Variants in SMG7 observed in about 807,000 individuals in gnomAD.
SMG7 encodes the protein nonsense-mediated mRNA decay factor SMG7.
Under a neutral mutation model 148.2 loss-of-function variants are expected in SMG7, and 34 were observed. That is an observed-to-expected ratio of 0.23 (90% confidence interval 0.17 to 0.31). The LOEUF is 0.31. Among genes scored for constraint, SMG7 ranks in the 10% least tolerant of loss-of-function variants. The probability of loss-of-function intolerance (pLI) is 1.00; values close to 1 mark genes in which losing one functional copy is unlikely to be tolerated. For missense variants in SMG7, 1,114 were observed against 1,408.4 expected, an observed-to-expected ratio of 0.79 and a Z score of 3.35; for synonymous variants, 492 against 515.1, an observed-to-expected ratio of 0.96 and a Z score of 0.61.
chr1:183,496,053 A>T lies in SMG7; in HGVS notation c.30-16784A>T, dbSNP rs1658411559. ...TTGAATTCCAGTCCTAGCACTTACC[A>T]TCTTTGTGGCATTGGGCAAGTTTCC... On this transcript the variant is annotated intron_variant, in intron 1 of 22. Transcript: ENST00000688051. Among the ~76,000 whole-genome samples the T allele has an allele frequency of 2.0e-5, 3 of 152,254 alleles. No homozygotes were observed. The South Asian group carries it at 6.2e-4, about 32-fold the overall frequency.
In SMG7 at chr1:183,551,902, G is replaced by T; in HGVS notation, c.3535G>T (p.Gly1179Ter). ...GCAGCAGAAGCAGAAACAGCAACGG[G>T]GACAAGGCACCATGAACCCTCCACA... is the stretch of plus-strand genomic sequence containing the variant. The part of the protein sequence containing the change: ...LMQQKQKQQR[G>*]QGTMNPPH Residue 1179 changes from glycine (G) to a stop codon, truncating the protein, a stop_gained, in exon 23 of 23, where the codon GGA (glycine) becomes TGA (stop). Coordinates refer to ENST00000688051, the MANE Select transcript of SMG7 (RefSeq NM_001375584.1). LOFTEE classifies it high-confidence loss of function. 1 of 1,613,702 alleles carries T rather than the reference G, an allele frequency of 6.2e-7. No individual in the cohort carries two copies. The highest frequency in any genetic ancestry group is 8.5e-7 in the Non-Finnish European group (1 of 1,179,792).
intron 1 of SMG7, among the ~76,000 whole-genome samples, chr1:183,496,612 G>GA (rs1358997194): frequency 6.6e-6 from 1 of 151,956 alleles, no homozygotes; most frequent in African/African-American, 2.4e-5. Context: ...CTCTTTTCTT[G>GA]AAGCTTTTTC....
chr1:183,543,458 G>GGA (rs1033743586), intron 14 of SMG7, among the ~76,000 whole-genome samples: 1 of 151,696 alleles, frequency 6.6e-6, no homozygotes. Context: ...AAGACATAGG[G>GGA]GAGAGAGAGA....
intron 8 of SMG7, among the ~76,000 whole-genome samples, chr1:183,530,309 T>C (rs1251029760): frequency 6.6e-6 from 1 of 152,116 alleles, no homozygotes; most frequent in Non-Finnish European, 1.5e-5. Context: ...AGTCAGGCAT[T>C]TTAAGAGATT....
chr1:183,519,291 G>A (rs1664235217), intron 4 of SMG7, among the ~76,000 whole-genome samples: 1 of 151,920 alleles, frequency 6.6e-6, no homozygotes, highest in Non-Finnish European at 1.5e-5. Flanking sequence ...GTTCATTTTT[G>A]AAAGAACTCA....
At chr1:183,539,122 A>T (rs966132037) in intron 12 of SMG7, among the ~76,000 whole-genome samples, 3 of 152,134 alleles carry the variant, frequency 2.0e-5, no homozygotes, top group Non-Finnish European at 2.9e-5. Context: ...ACTGCACTCC[A>T]GCCTGGGTGA....
chr1:183,536,667 T>C (rs143993443), intron 10 of SMG7, among the ~76,000 whole-genome samples: 38 of 152,272 alleles, frequency 2.5e-4, no homozygotes, highest in African/African-American at 8.4e-4. Flanking sequence ...ATGTGGACTT[T>C]TTGTACCATA....
intron 10 of SMG7, among the ~76,000 whole-genome samples, chr1:183,534,436 A>G (rs1177600108): frequency 6.6e-6 from 1 of 152,224 alleles, no homozygotes; most frequent in Non-Finnish European, 1.5e-5. Context: ...CTTGGCACCA[A>G]ATAGGAAGTT....
At chr1:183,512,899 A>T (rs747888716) in intron 2 of SMG7, 31 bp downstream of exon 2, 1 of 1,546,364 alleles carries the variant, frequency 6.5e-7, no homozygotes. Context: ...TTTTCACAAC[A>T]TATTTTATAT....
At chr1:183,474,272 A>G (rs1294398015) in intron 1 of SMG7, among the ~76,000 whole-genome samples, 1 of 152,234 alleles carries the variant, frequency 6.6e-6, no homozygotes. Flanking sequence ...CATGAAAGAT[A>G]CCAAACGTTG....
In SMG7 at chr1:183,546,067, C is replaced by A; in HGVS notation, c.2472C>A (p.Thr824=). The part of the protein sequence containing the change: ...MPVKQPYYLQ[T]QDPIKLFEPS... ...TGAAACAGCCCTACTACCTTCAGAC[C>A]CAAGACCCCATAAAACTGTTTGAGC... is the stretch of plus-strand genomic sequence containing the variant. The change falls in exon 17 of 23, where the codon ACC becomes ACA. Residue 824 remains threonine (T), a synonymous_variant. Transcript: ENST00000688051. 6.2e-7 allele frequency: 1 copy of A among 1,613,980 alleles called. No homozygotes were observed. The highest frequency in any genetic ancestry group is 8.5e-7 in the Non-Finnish European group (1 of 1,179,948).
At chr1:183,526,512 A>G in intron 4 of SMG7, 84 bp from the exon 5 acceptor site, 1 of 837,194 alleles carries the variant, frequency 1.2e-6, no homozygotes, top group Non-Finnish European at 1.9e-6. Context: ...AGTATGTGGT[A>G]CTAGGTACAC....
At position 183,529,588 on chromosome 1, in the gene SMG7, T is replaced by C. The variant is rs1433237030; in HGVS notation, c.843+55T>C. On this transcript the variant is annotated intron_variant, in intron 8 of 22. Transcript: ENST00000688051. ...CTTGTCTAAATCAGGAAGCATAACATTTGGAGGAAACTGACTCCCAGTTTT... is the reference window on the plus strand; with the variant it reads ...CTTGTCTAAATCAGGAAGCATAACACTTGGAGGAAACTGACTCCCAGTTTT... 6 of 1,487,240 alleles carry C rather than the reference T, an allele frequency of 4.0e-6. No homozygotes were observed. In the African/African-American group the frequency reaches 8.4e-5, roughly 21 times the overall value. 92.1% of individuals were successfully genotyped at this position (1,487,240 alleles called of 1,614,324 possible). A position where few individuals can be genotyped will look rare whatever the true frequency, so the allele number is the denominator to read the frequency against.
At chr1:183,499,510 T>G (rs1659284222) in intron 1 of SMG7, among the ~76,000 whole-genome samples, 1 of 152,222 alleles carries the variant, frequency 6.6e-6, no homozygotes, top group Non-Finnish European at 1.5e-5. Context: ...TGGAGCATCT[T>G]TTCACATGCT....
At chr1:183,536,842 A>G (rs1279084291) in intron 10 of SMG7, among the ~76,000 whole-genome samples, 1 of 152,164 alleles carries the variant, frequency 6.6e-6, no homozygotes, top group East Asian at 1.9e-4. Flanking sequence ...TTCTCAGCCT[A>G]TTTCAGTTTT....
At chr1:183,492,116 A>T (rs1657197649) in intron 1 of SMG7, among the ~76,000 whole-genome samples, 1 of 152,252 alleles carries the variant, frequency 6.6e-6, no homozygotes, top group Non-Finnish European at 1.5e-5. Flanking sequence ...CCGTCATACC[A>T]TACCAGGCAG....
In SMG7 at chr1:183,550,633, C is replaced by T; in HGVS notation, c.3134-118C>T. 3 of 998,304 alleles carry T rather than the reference C, an allele frequency of 3.0e-6. No individual in the cohort carries two copies. In the East Asian group the frequency reaches 7.5e-5, roughly 25 times the overall value. The allele number at this position is 998,304 out of a possible 1,614,324, so 61.8% of individuals were successfully genotyped here. On this transcript the variant is annotated intron_variant, in intron 20 of 22. Transcript: ENST00000688051. The stretch of plus-strand genomic sequence containing the variant: ...TGGAGCCTTTAGTTTCCCTTTCCTT[C>T]AAAGCCCTGTGGTTATTGTTAGTAG...
chr1:183,486,955 A>T lies in SMG7; in HGVS notation c.29+14306A>T, dbSNP rs764987226. ...TAAAGAAATGCTGATAACACTGTAG[A>T]TGTAAGAATTGAAGAATACAGGAGT... On this transcript the variant is annotated intron_variant, in intron 1 of 22. Transcript: ENST00000688051. Among the ~76,000 whole-genome samples, 22 of 152,306 alleles carry T rather than the reference A, an allele frequency of 1.4e-4. No homozygotes were observed. In the Middle Eastern group the frequency reaches 0.01, roughly 71 times the overall value.
Position 183,544,465 on chromosome 1 carries a change from C to G in SMG7, c.1955C>G (p.Pro652Arg). The change falls in exon 15 of 23, where the codon CCT (proline) becomes CGT (arginine). Residue 652 changes from proline to arginine, a missense_variant. By Grantham distance (103) the Pro-to-Arg change is moderately radical. Transcript: ENST00000688051. The part of the protein sequence containing the change: ...SNSQFIPIHH[P>R]GAFPPLPSRP... ...TCCCAGTTCATCCCCATTCATCACC[C>G]TGGAGCCTTCCCTCCTCTTCCCAGC... 6.2e-7 allele frequency: 1 copy of G among 1,613,928 alleles called. No homozygotes were observed.
Sources: gnomAD v4.1 joint callset for allele counts (sites outside exome capture counted in the v4.1 genomes callset) on GRCh38, gnomAD v4.1.1 for gene constraint, MANE v1.5 for transcripts, NCBI Gene and HGNC (gene_info 2026-07-23, HGNC 2026-07-21) for gene names.